HLF: variants seen among roughly 807,000 people sequenced by gnomAD.
HLF encodes hepatic leukemia factor.
Under a neutral mutation model 22.6 loss-of-function variants are expected in HLF, and 3 were observed. That is an observed-to-expected ratio of 0.13 (90% confidence interval 0.06 to 0.34). The LOEUF (loss-of-function observed/expected upper bound fraction) is 0.34, where lower values mean the gene tolerates loss of function less well. HLF is among the 10% of genes least tolerant of loss of function. The pLI is 1.00. For missense variants in HLF, 299 were observed against 389.2 expected (o/e 0.77, Z 1.95); for synonymous variants, 151 against 151.8 (o/e 0.99, Z 0.04).
chr17:55,312,708 TG>T (rs1460510896), intron 2 of HLF, among the ~76,000 whole-genome samples: 8 of 152,328 alleles, frequency 5.3e-5, no homozygotes, highest in African/African-American at 1.9e-4. Flanking sequence ...TGAGTGAGAC[TG>T]GGGGAAGAGG....
rs536856677 is a variant in HLF at position 55,274,071 on chromosome 17, G to A, written c.451+5985G>A. Among the ~76,000 whole-genome samples, 202 of 149,762 alleles carry A rather than the reference G, an allele frequency of 1.3e-3. 1 individual carries two copies. Among genetic ancestry groups the A allele is most frequent in the Non-Finnish European group, 2.1e-3 (144 of 67,524 alleles). Reference sequence around the variant, plus strand: ...CTGTGCCTACCAGACTAGAAAAATAGCAATATAAAGACAGAATTAGGTGGA... The same window carrying A: ...CTGTGCCTACCAGACTAGAAAAATAACAATATAAAGACAGAATTAGGTGGA... On this transcript the variant is annotated intron_variant, in intron 2 of 3. Coordinates refer to ENST00000226067, the MANE Select transcript of HLF (RefSeq NM_002126.5).
At chr17:55,309,990 C>G (rs949880483) in intron 2 of HLF, among the ~76,000 whole-genome samples, 2 of 152,216 alleles carry the variant, frequency 1.3e-5, no homozygotes, top group Admixed American at 1.3e-4. Flanking sequence ...TAATTGAACA[C>G]AAGCTGCTAA....
chr17:55,312,417 G>T (rs1904872389), intron 2 of HLF, among the ~76,000 whole-genome samples: 1 of 152,170 alleles, frequency 6.6e-6, no homozygotes, highest in Non-Finnish European at 1.5e-5. Context: ...CTCACTTCTA[G>T]AAATCACTTC....
chr17:55,297,399 C>G (rs1306197430), intron 2 of HLF, among the ~76,000 whole-genome samples: 1 of 152,066 alleles, frequency 6.6e-6, no homozygotes, highest in Non-Finnish European at 1.5e-5. Context: ...TTGAAATGTT[C>G]CCAGGTTGGC....
chr17:55,311,027 T>C (rs1374081202), intron 2 of HLF, among the ~76,000 whole-genome samples: 1 of 152,172 alleles, frequency 6.6e-6, no homozygotes, highest in Non-Finnish European at 1.5e-5. Context: ...ATTTTAAAGA[T>C]AGTTGTCCTC....
intron 2 of HLF, among the ~76,000 whole-genome samples, chr17:55,281,438 G>A (rs1239317919): frequency 2.0e-5 from 3 of 152,146 alleles, no homozygotes; most frequent in Non-Finnish European, 4.4e-5. Flanking sequence ...GCTTAAACCC[G>A]GGAGGCGGAG....
chr17:55,265,244 G>A lies in HLF; in HGVS notation c.-241G>A, dbSNP rs960646540. ...TCCTGCACGTCGCCGGGGAGCCCGCGGGCACTTGGCGCGCTCTCCTGGGAC... is the reference window on the plus strand; with the variant it reads ...TCCTGCACGTCGCCGGGGAGCCCGCAGGCACTTGGCGCGCTCTCCTGGGAC... On this transcript the variant is annotated 5_prime_UTR_variant, in exon 1 of 4. Transcript: ENST00000226067. 3.5e-4 allele frequency: 130 copies of A among 376,050 alleles called. No homozygotes were observed. Among genetic ancestry groups the A allele is most frequent in the Middle Eastern group, 2.1e-3 (3 of 1,452 alleles). The allele number at this position is 376,050 out of a possible 1,614,324, so 23.3% of individuals were successfully genotyped here.
At chr17:55,301,477 T>C (rs1215379412) in intron 2 of HLF, among the ~76,000 whole-genome samples, 1 of 152,206 alleles carries the variant, frequency 6.6e-6, no homozygotes, top group African/African-American at 2.4e-5. Context: ...AAAAAAATTA[T>C]CAGTATAGAC....
chr17:55,310,439 T>C (rs1904777013), intron 2 of HLF, among the ~76,000 whole-genome samples: 1 of 152,216 alleles, frequency 6.6e-6, no homozygotes, highest in Admixed American at 6.5e-5. Flanking sequence ...TAAAAATTAT[T>C]AGTAAAACAA....
intron 2 of HLF, among the ~76,000 whole-genome samples, chr17:55,281,058 A>C (rs1418311722): frequency 1.3e-5 from 2 of 152,162 alleles, no homozygotes; most frequent in East Asian, 3.9e-4. Flanking sequence ...TATGTTGTGC[A>C]CTGTACATGT....
chr17:55,265,555 C>G lies in HLF; in HGVS notation c.71C>G (p.Ser24Cys). 4.3e-6 allele frequency: 7 copies of G among 1,610,012 alleles called. No homozygotes were observed. Among genetic ancestry groups the G allele is most frequent in the Non-Finnish European group, 5.9e-6 (7 of 1,178,306 alleles). ...FIPPPYGVLR[S>C]LLENPLKLPL... is the part of the protein sequence containing the mutation. ...CCGCCTCCCTACGGCGTGCTCAGGTCCCTGCTGGAGAACCCGCTGAAGCTC... is the reference window on the plus strand; with the variant it reads ...CCGCCTCCCTACGGCGTGCTCAGGTGCCTGCTGGAGAACCCGCTGAAGCTC... Residue 24 changes from serine (S) to cysteine (C), a missense_variant, in exon 1 of 4, where the codon TCC (serine) becomes TGC (cysteine). Coordinates refer to ENST00000226067, the MANE Select transcript of HLF (RefSeq NM_002126.5).
chr17:55,287,922 A>G (rs962741312), intron 2 of HLF, among the ~76,000 whole-genome samples: 1 of 152,190 alleles, frequency 6.6e-6, no homozygotes, highest in African/African-American at 2.4e-5. Context: ...CAAAGATACT[A>G]ATTTCATTAG....
chr17:55,278,885 A>C (rs1167468455), intron 2 of HLF, among the ~76,000 whole-genome samples: 1 of 152,258 alleles, frequency 6.6e-6, no homozygotes, highest in Non-Finnish European at 1.5e-5. Context: ...TGTTTTTAAA[A>C]GGCCAAAGGC....
At chr17:55,318,503 C>T (rs1488034383) in intron 3 of HLF, among the ~76,000 whole-genome samples, 1 of 152,192 alleles carries the variant, frequency 6.6e-6, no homozygotes, top group Non-Finnish European at 1.5e-5. Flanking sequence ...CAGCTGGTGA[C>T]TCCCTGGTCA....
intron 2 of HLF, among the ~76,000 whole-genome samples, chr17:55,311,842 A>G (rs1047867738): frequency 6.6e-6 from 1 of 152,122 alleles, no homozygotes; most frequent in African/African-American, 2.4e-5. Flanking sequence ...ACCTTTTTAG[A>G]GCCCTCAGTG....
chr17:55,312,784 C>T lies in HLF; in HGVS notation c.452-2443C>T, dbSNP rs146006962. Among the ~76,000 whole-genome samples, 411 of 152,158 alleles carry T rather than the reference C, an allele frequency of 2.7e-3. 3 individuals carry two copies. Among genetic ancestry groups the T allele is most frequent in the Middle Eastern group, 0.02 (6 of 294 alleles). On this transcript the variant is annotated intron_variant, in intron 2 of 3. Coordinates refer to ENST00000226067, the MANE Select transcript of HLF (RefSeq NM_002126.5). The stretch of plus-strand genomic sequence containing the variant: ...TCCTGTATTTGTTAACATTTCGCAG[C>T]GAACATCTTTGATCATTTAAAAAAT...
chr17:55,285,262 G>A (rs994525015), intron 2 of HLF, among the ~76,000 whole-genome samples: 9 of 152,236 alleles, frequency 5.9e-5, no homozygotes, highest in African/African-American at 1.4e-4. Context: ...GTTTTGAGAC[G>A]TGGTACCTTG....
At chr17:55,284,377 G>A (rs956461888) in intron 2 of HLF, among the ~76,000 whole-genome samples, 2 of 152,242 alleles carry the variant, frequency 1.3e-5, no homozygotes, top group African/African-American at 4.8e-5. Flanking sequence ...AGTTCACTGA[G>A]AGTGGGCCTG....
In HLF at chr17:55,322,601, AC is replaced by A. The variant is rs1280353022; in HGVS notation, c.*1723del. ...GATGACGAATCCTGCTCTAAAATAC[AC>A]AAGGAGCTTTCTTGTTTCTTATTAG... is the stretch of plus-strand genomic sequence containing the variant. On this transcript the variant is annotated 3_prime_UTR_variant, in exon 4 of 4. Transcript: ENST00000226067. 4.6e-6 allele frequency: 1 copy of A among 216,996 alleles called. No homozygotes were observed. The highest frequency in any genetic ancestry group is 2.3e-5 in the African/African-American group (1 of 44,422). 13.4% of individuals were successfully genotyped at this position (216,996 alleles called of 1,614,324 possible).
Sources: gnomAD v4.1 joint callset for allele counts (sites outside exome capture counted in the v4.1 genomes callset) on GRCh38, gnomAD v4.1.1 for gene constraint, MANE v1.5 for transcripts, NCBI Gene and HGNC (gene_info 2026-07-23, HGNC 2026-07-21) for gene names.